Variants in KAZN observed in about 807,000 individuals in gnomAD.
KAZN encodes kazrin, periplakin interacting protein.
A neutral mutation model predicts 87.4 loss-of-function variants in KAZN; 40 were observed. The ratio of observed to expected loss-of-function variants is 0.46; its 90% CI spans 0.36 to 0.60. The LOEUF (loss-of-function observed/expected upper bound fraction) is 0.60, where lower values mean the gene tolerates loss of function less well. KAZN is among the 20% of genes least tolerant of loss of function. The pLI is 0.00. For missense variants in KAZN, 898 were observed against 1,073.9 expected (o/e 0.84, Z 2.29); for synonymous variants, 466 against 458.3 (o/e 1.02, Z -0.22).
intron 2 of KAZN, among the ~76,000 whole-genome samples, chr1:14,388,199 C>T (rs1305023389): frequency 1.3e-5 from 2 of 152,166 alleles, no homozygotes; most frequent in African/African-American, 4.8e-5. Context: ...CACCCCCTGA[C>T]CTGCGCCCAC....
At chr1:14,160,599 T>G (rs898533400) in intron 1 of KAZN, among the ~76,000 whole-genome samples, 14 of 152,156 alleles carry the variant, frequency 9.2e-5, no homozygotes, top group Non-Finnish European at 2.9e-5. Flanking sequence ...GAAGGTGCTT[T>G]TTTTGTGTGT....
At position 14,649,565 on chromosome 1, in the gene KAZN, C is replaced by G. The variant is rs1029660500; in HGVS notation, c.226+50342C>G. Among the ~76,000 whole-genome samples the G allele has an allele frequency of 7.2e-5, 11 of 152,120 alleles. 1 individual carries two copies. Among genetic ancestry groups the G allele is most frequent in the Admixed American group, 7.2e-4 (11 of 15,270 alleles). ...AAGGATGTATATAAACACATGCAGCCGAAAGAAGGTCTGAGGGTTTGCCTG... is the reference window on the plus strand; with the variant it reads ...AAGGATGTATATAAACACATGCAGCGGAAAGAAGGTCTGAGGGTTTGCCTG... On this transcript the variant is annotated intron_variant, in intron 1 of 14. Transcript: ENST00000376030.
At chr1:14,911,971 A>C (rs1657294619) in intron 1 of KAZN, among the ~76,000 whole-genome samples, 1 of 151,858 alleles carries the variant, frequency 6.6e-6, no homozygotes, top group African/African-American at 2.4e-5. Context: ...GTCCAATATG[A>C]TGGCACGTTA....
intron 4 of KAZN, among the ~76,000 whole-genome samples, chr1:15,047,454 G>C (rs140676374): frequency 6.6e-6 from 1 of 152,136 alleles, no homozygotes; most frequent in South Asian, 2.1e-4. Context: ...GGTGGAGGGC[G>C]CAGCTTAGCA....
chr1:14,448,812 C>G (rs560368681), intron 2 of KAZN, among the ~76,000 whole-genome samples: 78 of 152,232 alleles, frequency 5.1e-4, no homozygotes, highest in Non-Finnish European at 9.1e-4. Context: ...CCTGCACAGG[C>G]AAGCACACTT....
chr1:14,251,642 A>ATTTTTTTT (rs1571144709), intron 2 of KAZN, among the ~76,000 whole-genome samples: 2 of 81,518 alleles, frequency 2.5e-5, no homozygotes, highest in African/African-American at 1.7e-4. Flanking sequence ...GTTCTCCCGG[A>ATTTTTTTT]CTTTTTTTTT....
intron 1 of KAZN, among the ~76,000 whole-genome samples, chr1:14,033,294 G>C (rs536940998): frequency 1.3e-5 from 2 of 152,262 alleles, no homozygotes; most frequent in South Asian, 4.1e-4. Flanking sequence ...TGAGCAATTT[G>C]GTTTTGTCTC....
intron 1 of KAZN, among the ~76,000 whole-genome samples, chr1:14,810,475 G>A (rs916734745): frequency 2.6e-5 from 4 of 152,260 alleles, no homozygotes; most frequent in African/African-American, 9.6e-5. Flanking sequence ...TTTAGCAAAT[G>A]TCAGCAGAAT....
At chr1:14,698,073 C>A (rs1234034592) in intron 1 of KAZN, among the ~76,000 whole-genome samples, 1 of 152,212 alleles carries the variant, frequency 6.6e-6, no homozygotes, top group Non-Finnish European at 1.5e-5. Context: ...GTCCTTAGTT[C>A]TCCAGTATTC....
chr1:15,112,279 G>A, intron 13 of KAZN, 148 bp from the exon 14 acceptor site: 1 of 651,184 alleles, frequency 1.5e-6, no homozygotes, highest in Admixed American at 2.3e-5. Context: ...CACAAGGATG[G>A]CACGTGGGAG....
intron 1 of KAZN, among the ~76,000 whole-genome samples, chr1:14,903,070 T>G (rs1281301649): frequency 1.3e-5 from 2 of 151,992 alleles, no homozygotes; most frequent in African/African-American, 4.8e-5. Flanking sequence ...AGTTTCACCA[T>G]GTTGGCCAGG....
intron 2 of KAZN, among the ~76,000 whole-genome samples, chr1:14,492,405 A>T (rs1669697147): frequency 6.6e-6 from 1 of 151,862 alleles, no homozygotes. Context: ...TCAGTGAATG[A>T]TTCTTCAGCA....
chr1:14,412,381 G>A (rs1408715619), intron 2 of KAZN, among the ~76,000 whole-genome samples: 1 of 152,134 alleles, frequency 6.6e-6, no homozygotes, highest in African/African-American at 2.4e-5. Context: ...TACTTACAAA[G>A]TTATCTGCAT....
chr1:14,811,325 A>G (rs1216207322), intron 1 of KAZN, among the ~76,000 whole-genome samples: 2 of 152,240 alleles, frequency 1.3e-5, no homozygotes, highest in Admixed American at 6.5e-5. Context: ...CAAATCTTGA[A>G]TCTCATTCAA....
chr1:14,244,958 T>G (rs1649354373), intron 2 of KAZN, among the ~76,000 whole-genome samples: 2 of 152,000 alleles, frequency 1.3e-5, no homozygotes, highest in African/African-American at 4.8e-5. Flanking sequence ...TCTGGGATTT[T>G]GTCTTGTTTT....
chr1:14,264,250 T>A (rs1651304746), intron 2 of KAZN, among the ~76,000 whole-genome samples: 1 of 152,176 alleles, frequency 6.6e-6, no homozygotes, highest in South Asian at 2.1e-4. Context: ...TCCTCGCAAT[T>A]GTAGGACTGA....
chr1:14,514,611 A>ATTTTT (rs1557770522), intron 2 of KAZN, among the ~76,000 whole-genome samples: 1 of 39,038 alleles, frequency 2.6e-5, no homozygotes, highest in African/African-American at 1.2e-4. Flanking sequence ...ATATATATAT[A>ATTTTT]TATATATATA....
chr1:14,819,771 G>A (rs993091305), intron 1 of KAZN, among the ~76,000 whole-genome samples: 2 of 145,358 alleles, frequency 1.4e-5, no homozygotes, highest in African/African-American at 2.6e-5. Context: ...GCAGTGGTAC[G>A]GTATCGGCTC....
At position 13,923,666 on chromosome 1, in the gene KAZN, G is replaced by A. The variant is rs138235561; in HGVS notation, c.91+29910G>A. Among the ~76,000 whole-genome samples, 7 of 151,352 alleles carry A rather than the reference G, an allele frequency of 4.6e-5. No homozygotes were observed. In the East Asian group the frequency reaches 1.2e-3, roughly 25 times the overall value. On this transcript the variant is annotated intron_variant, in intron 1 of 16. Transcript: ENST00000636203. ...TCCTTGTCGCCTTCATGCTGAGTAG[G>A]CTGATGAGGAGGAGGATGAGGAGGG...
Sources: gnomAD v4.1 joint callset for allele counts (sites outside exome capture counted in the v4.1 genomes callset) on GRCh38, gnomAD v4.1.1 for gene constraint, MANE v1.5 for transcripts, NCBI Gene and HGNC (gene_info 2026-07-23, HGNC 2026-07-21) for gene names.